The following NBEA variants were observed in gnomAD, a reference collection of about 807,000 sequenced individuals.
The protein encoded by NBEA is lysosomal-trafficking regulator 2.
A neutral mutation model predicts 343.4 loss-of-function variants in NBEA; 44 were observed. The observed-to-expected ratio is 0.13, with a 90% CI of 0.10 to 0.16. NBEA has a LOEUF of 0.16. Ranked by LOEUF, NBEA falls within the 10% of genes least tolerant of loss-of-function variation. The pLI is 1.00. For synonymous variants in NBEA, 1,175 were observed against 1,238.7 expected (o/e 0.95, Z 1.08); for missense variants, 2,555 against 3,631.3 (o/e 0.70, Z 7.62).
At chr13:35,172,980 T>C (rs975763888) in intron 26 of NBEA, among the ~76,000 whole-genome samples, 1 of 152,108 alleles carries the variant, frequency 6.6e-6, no homozygotes, top group East Asian at 1.9e-4. Context: ...GAAGGTGAAT[T>C]TGGGGACCTG....
At position 35,074,532 on chromosome 13, in the gene NBEA, G is replaced by A. The variant is rs1376959211; in HGVS notation, c.1571+3680G>A. Reference sequence around the variant, plus strand: ...TCATTAGAAACCAGTGTAATATATTGCGTAAGTGTTCTTTTGGTGGAAGAC... The same window carrying A: ...TCATTAGAAACCAGTGTAATATATTACGTAAGTGTTCTTTTGGTGGAAGAC... On this transcript the variant is annotated intron_variant, in intron 10 of 58. Transcript: ENST00000379939. Among the ~76,000 whole-genome samples the A allele has an allele frequency of 2.6e-5, 4 of 152,072 alleles. No homozygotes were observed. In the East Asian group the frequency reaches 7.7e-4, roughly 29 times the overall value.
intron 38 of NBEA, among the ~76,000 whole-genome samples, chr13:35,376,941 T>A (rs1016337504): frequency 1.3e-5 from 2 of 152,138 alleles, no homozygotes; most frequent in Admixed American, 1.3e-4. Flanking sequence ...CTAGCAAATT[T>A]TCAGACCTCC....
At chr13:35,217,112 A>G (rs2074106949) in intron 33 of NBEA, among the ~76,000 whole-genome samples, 2 of 151,830 alleles carry the variant, frequency 1.3e-5, no homozygotes, top group Admixed American at 1.3e-4. Flanking sequence ...CTGAATTTGC[A>G]TTTTCCTAAT....
At position 35,004,422 on chromosome 13, in the gene NBEA, G is replaced by A. The variant is rs113029076; in HGVS notation, c.295-36511G>A. On this transcript the variant is annotated intron_variant, in intron 1 of 58. Transcript: ENST00000379939. ...ATGGTCTTCAAGTCTTTTGTAAATT[G>A]CTGAATGTTTGAAATAGTTTGCTGT... Among the ~76,000 whole-genome samples, 61 of 152,248 alleles carry A rather than the reference G, an allele frequency of 4.0e-4. 1 individual carries two copies. The highest frequency in any genetic ancestry group is 1.3e-3 in the African/African-American group (56 of 41,536).
chr13:35,649,270 A>C (rs2084398440), intron 51 of NBEA, among the ~76,000 whole-genome samples: 1 of 152,224 alleles, frequency 6.6e-6, no homozygotes, highest in Non-Finnish European at 1.5e-5. Context: ...CGTGTAAAAA[A>C]TGGGAGTCAC....
chr13:35,023,652 C>T (rs567346333), intron 1 of NBEA, among the ~76,000 whole-genome samples: 1 of 151,954 alleles, frequency 6.6e-6, no homozygotes, highest in African/African-American at 2.4e-5. Context: ...ATATAGTTAC[C>T]TATACAAAAG....
chr13:35,297,895 G>A (rs2036241779), intron 35 of NBEA, among the ~76,000 whole-genome samples: 1 of 151,596 alleles, frequency 6.6e-6, no homozygotes, highest in African/African-American at 2.4e-5. Context: ...ACAGTTCAGT[G>A]GCATTAATTA....
intron 31 of NBEA, among the ~76,000 whole-genome samples, chr13:35,206,719 C>A (rs1315752763): frequency 6.6e-6 from 1 of 151,980 alleles, no homozygotes; most frequent in Admixed American, 6.6e-5. Flanking sequence ...TAAATATGAT[C>A]TCATTTAATC....
chr13:35,008,968 A>G (rs2061401838), intron 1 of NBEA, among the ~76,000 whole-genome samples: 1 of 152,152 alleles, frequency 6.6e-6, no homozygotes, highest in Admixed American at 6.5e-5. Context: ...CTTGAGAGGG[A>G]AAGTAGCCTA....
intron 16 of NBEA, 21 bp from the exon 17 acceptor site, chr13:35,123,461 G>T (rs1216690633): frequency 2.2e-6 from 3 of 1,371,514 alleles, no homozygotes; most frequent in Admixed American, 2.3e-5. Context: ...GTTTTTAAAA[G>T]ATAATTTATA....
chr13:35,170,209 G>A (rs1266014593), intron 25 of NBEA, among the ~76,000 whole-genome samples: 1 of 151,620 alleles, frequency 6.6e-6, no homozygotes, highest in Non-Finnish European at 1.5e-5. Context: ...TTCCAAGCAG[G>A]AAGAAGTTTA....
intron 38 of NBEA, among the ~76,000 whole-genome samples, chr13:35,371,415 A>AT (rs951787774): frequency 3.3e-5 from 5 of 151,250 alleles, no homozygotes; most frequent in African/African-American, 4.9e-5. Flanking sequence ...TTTCTAATGT[A>AT]TTTTTTATTT....
chr13:34,971,673 T>C (rs1392289637), intron 1 of NBEA, among the ~76,000 whole-genome samples: 1 of 152,178 alleles, frequency 6.6e-6, no homozygotes, highest in Non-Finnish European at 1.5e-5. Context: ...TTTTTTATGT[T>C]GAGCCAACCT....
chr13:35,095,869 T>C (rs1386774643), intron 10 of NBEA, among the ~76,000 whole-genome samples: 1 of 151,964 alleles, frequency 6.6e-6, no homozygotes, highest in African/African-American at 2.4e-5. Context: ...GATACTTGCT[T>C]TTTGGTTTAT....
intron 39 of NBEA, among the ~76,000 whole-genome samples, chr13:35,435,742 G>A (rs1409549022): frequency 6.6e-6 from 1 of 152,124 alleles, no homozygotes; most frequent in Non-Finnish European, 1.5e-5. Flanking sequence ...TTTATCCACT[G>A]TAAATGAGCT....
intron 34 of NBEA, among the ~76,000 whole-genome samples, chr13:35,245,773 T>C (rs2152782344): frequency 6.6e-6 from 1 of 152,300 alleles, no homozygotes; most frequent in East Asian, 1.9e-4. Context: ...TAGGTGATGA[T>C]ATTTTTGCAA....
intron 34 of NBEA, among the ~76,000 whole-genome samples, chr13:35,260,700 G>A (rs369271770): frequency 4.6e-5 from 7 of 152,146 alleles, no homozygotes; most frequent in Non-Finnish European, 7.3e-5. Context: ...TATGTAAAGG[G>A]CAAAATTCCA....
chr13:34,994,625 T>G (rs1284598331), intron 1 of NBEA, among the ~76,000 whole-genome samples: 1 of 152,206 alleles, frequency 6.6e-6, no homozygotes, highest in Non-Finnish European at 1.5e-5. Context: ...ATGGAGAAAA[T>G]CCTACCTTTA....
intron 38 of NBEA, among the ~76,000 whole-genome samples, chr13:35,381,652 G>T (rs2042018552): frequency 6.6e-6 from 1 of 152,024 alleles, no homozygotes; most frequent in Non-Finnish European, 1.5e-5. Context: ...AATCAAGGAG[G>T]ATCTTGAATG....
Sources: gnomAD v4.1 joint callset for allele counts (sites outside exome capture counted in the v4.1 genomes callset) on GRCh38, gnomAD v4.1.1 for gene constraint, MANE v1.5 for transcripts, NCBI Gene and HGNC (gene_info 2026-07-23, HGNC 2026-07-21) for gene names.